The following ANKFN1 variants were observed in gnomAD, a reference collection of about 807,000 sequenced individuals.
The protein encoded by ANKFN1 is ankyrin repeat and fibronectin type III domain containing 1.
Under a neutral mutation model 108.7 loss-of-function variants are expected in ANKFN1, and 74 were observed. The observed-to-expected ratio is 0.68, with a 90% CI of 0.56 to 0.83. The LOEUF (loss-of-function observed/expected upper bound fraction) is 0.83, where lower values mean the gene tolerates loss of function less well. Among genes scored for constraint, ANKFN1 ranks in the 40% least tolerant of loss-of-function variants. ANKFN1 has a pLI of 0.00. For missense variants in ANKFN1, 1,505 were observed against 1,382.3 expected (o/e 1.09, Z -1.41); for synonymous variants, 547 against 516.2 (o/e 1.06, Z -0.81).
intron 4 of ANKFN1, among the ~76,000 whole-genome samples, chr17:56,341,842 C>T (rs2045967530): frequency 6.6e-6 from 1 of 151,862 alleles, no homozygotes; most frequent in Admixed American, 6.6e-5. Flanking sequence ...GGAAAAGTCC[C>T]TCCTTTGCAA....
chr17:56,224,324 A>G (rs75425250), intron 2 of ANKFN1, among the ~76,000 whole-genome samples: 55 of 152,352 alleles, frequency 3.6e-4, no homozygotes, highest in African/African-American at 9.9e-4. Context: ...TAGTCCTACC[A>G]TAGCATTAAG....
At chr17:56,085,580 G>C (rs2143176866) in intron 4 of ANKFN1, among the ~76,000 whole-genome samples, 1 of 151,426 alleles carries the variant, frequency 6.6e-6, no homozygotes, top group South Asian at 2.1e-4. Flanking sequence ...TGAGTTTGTG[G>C]TAATTTGTTA....
chr17:56,336,852 C>T (rs1318552445), intron 4 of ANKFN1, among the ~76,000 whole-genome samples: 8 of 152,086 alleles, frequency 5.3e-5, no homozygotes, highest in African/African-American at 9.7e-5. Flanking sequence ...CTCTTGTGGG[C>T]ATTTAGTGCT....
intron 4 of ANKFN1, among the ~76,000 whole-genome samples, chr17:56,346,615 G>A (rs1367807670): frequency 6.6e-6 from 1 of 151,886 alleles, no homozygotes; most frequent in Non-Finnish European, 1.5e-5. Flanking sequence ...CAAGCCTTTG[G>A]TTAATATCCC....
intron 8 of ANKFN1, among the ~76,000 whole-genome samples, chr17:56,381,333 G>T (rs2047096812): frequency 6.6e-6 from 1 of 152,058 alleles, no homozygotes; most frequent in Non-Finnish European, 1.5e-5. Context: ...CACAAAAATG[G>T]GGAAAAAACA....
At chr17:56,104,203 G>T (rs771272580) in intron 4 of ANKFN1, among the ~76,000 whole-genome samples, 2 of 152,220 alleles carry the variant, frequency 1.3e-5, no homozygotes, top group Admixed American at 6.5e-5. Flanking sequence ...TATGTAGATT[G>T]TATACACATA....
At chr17:56,177,924 G>C (rs1305526077) in intron 1 of ANKFN1, among the ~76,000 whole-genome samples, 2 of 152,062 alleles carry the variant, frequency 1.3e-5, no homozygotes, top group Non-Finnish European at 2.9e-5. Flanking sequence ...TCATTATTTA[G>C]TTAGGATTTC....
At chr17:56,123,998 T>C (rs531301287) in intron 4 of ANKFN1, among the ~76,000 whole-genome samples, 12 of 152,318 alleles carry the variant, frequency 7.9e-5, no homozygotes, top group Admixed American at 3.3e-4. Context: ...TAGTCACACC[T>C]GCTGACCAGT....
intron 2 of ANKFN1, among the ~76,000 whole-genome samples, chr17:56,215,324 C>T (rs1030795616): frequency 1.3e-5 from 2 of 152,208 alleles, no homozygotes; most frequent in African/African-American, 4.8e-5. Flanking sequence ...CTGACCTTCA[C>T]CACACCCAGT....
chr17:56,379,420 C>A (rs2047033225), intron 8 of ANKFN1, among the ~76,000 whole-genome samples: 1 of 151,128 alleles, frequency 6.6e-6, no homozygotes, highest in Admixed American at 6.6e-5. Context: ...AAAAAAAGGT[C>A]AAAGTCCTTC....
At chr17:56,064,654 C>T (rs1157474882) in intron 4 of ANKFN1, among the ~76,000 whole-genome samples, 1 of 152,242 alleles carries the variant, frequency 6.6e-6, no homozygotes, top group Non-Finnish European at 1.5e-5. Flanking sequence ...GGCAGCTTAG[C>T]ATGTTAGGCA....
chr17:56,442,094 C>T (rs2049125675), intron 9 of ANKFN1, among the ~76,000 whole-genome samples: 1 of 152,084 alleles, frequency 6.6e-6, no homozygotes, highest in African/African-American at 2.4e-5. Flanking sequence ...AAAAACAATT[C>T]CTTAATTCTT....
At chr17:56,386,110 G>A (rs1352938688) in intron 8 of ANKFN1, among the ~76,000 whole-genome samples, 1 of 151,932 alleles carries the variant, frequency 6.6e-6, no homozygotes, top group Non-Finnish European at 1.5e-5. Context: ...AGAAAATGTG[G>A]CACATATACA....
chr17:56,333,272 A>G (rs988101247), intron 4 of ANKFN1, among the ~76,000 whole-genome samples: 4 of 152,108 alleles, frequency 2.6e-5, no homozygotes, highest in African/African-American at 9.7e-5. Context: ...GTCTTTACTC[A>G]TTAAGTATGA....
intron 3 of ANKFN1, among the ~76,000 whole-genome samples, chr17:56,262,915 A>G (rs999024123): frequency 3.3e-5 from 5 of 152,268 alleles, no homozygotes; most frequent in African/African-American, 1.2e-4. Flanking sequence ...GCCCTTTCCC[A>G]TTGTCAAGCA....
intron 3 of ANKFN1, among the ~76,000 whole-genome samples, chr17:56,285,280 T>A (rs1033758418): frequency 2.0e-5 from 3 of 152,096 alleles, no homozygotes; most frequent in Non-Finnish European, 4.4e-5. Context: ...CCTAAAGACT[T>A]ATTCCCTGGA....
At chr17:56,071,797 A>G (rs1451178149) in intron 4 of ANKFN1, among the ~76,000 whole-genome samples, 1 of 152,228 alleles carries the variant, frequency 6.6e-6, no homozygotes, top group African/African-American at 2.4e-5. Context: ...AGTGCTTTGC[A>G]ATTTCATAAG....
intron 3 of ANKFN1, among the ~76,000 whole-genome samples, chr17:56,315,788 AG>A (rs2045187721): frequency 6.6e-6 from 1 of 152,186 alleles, no homozygotes; most frequent in Admixed American, 6.5e-5. Flanking sequence ...GACAAAATGA[AG>A]AAAGGGAATT....
intron 4 of ANKFN1, among the ~76,000 whole-genome samples, chr17:56,051,578 G>T (rs1051866281): frequency 3.5e-5 from 5 of 143,418 alleles, no homozygotes; most frequent in East Asian, 2.0e-4. Context: ...GGGCAATTAG[G>T]CAGGAGAAGG....
Sources: gnomAD v4.1 joint callset for allele counts (sites outside exome capture counted in the v4.1 genomes callset) on GRCh38, gnomAD v4.1.1 for gene constraint, MANE v1.5 for transcripts, NCBI Gene and HGNC (gene_info 2026-07-23, HGNC 2026-07-21) for gene names.